Variants in GRIN2A observed in about 807,000 individuals in gnomAD.
The protein encoded by GRIN2A is glutamate receptor ionotropic, NMDA 2A.
In GRIN2A, 22 loss-of-function variants were observed where a neutral mutation model predicts 113.4. The observed-to-expected ratio is 0.19, with a 90% CI of 0.14 to 0.28. GRIN2A has a LOEUF of 0.28. Ranked by LOEUF, GRIN2A falls within the 10% of genes least tolerant of loss-of-function variation. GRIN2A has a pLI of 1.00. For synonymous variants in GRIN2A, 827 were observed against 738.4 expected (o/e 1.12, Z -1.94); for missense variants, 1,502 against 1,887.0 (o/e 0.80, Z 3.78).
At chr16:9,933,967 C>T (rs529259241) in intron 3 of GRIN2A, among the ~76,000 whole-genome samples, 9 of 152,248 alleles carry the variant, frequency 5.9e-5, no homozygotes, top group South Asian at 4.2e-4. Context: ...ATTGAAAGTA[C>T]GAACACATGT....
At chr16:9,935,266 G>T (rs1298732563) in intron 3 of GRIN2A, among the ~76,000 whole-genome samples, 1 of 152,102 alleles carries the variant, frequency 6.6e-6, no homozygotes, top group Admixed American at 6.5e-5. Context: ...AGCCTCGTTT[G>T]TGTCTTTGGG....
chr16:9,870,126 C>T (rs547504526), intron 4 of GRIN2A, among the ~76,000 whole-genome samples: 19 of 152,104 alleles, frequency 1.2e-4, no homozygotes, highest in Non-Finnish European at 2.2e-4. Flanking sequence ...ATTCTGTGCA[C>T]GGAGAAGGCG....
chr16:9,993,945 CCAT>C (rs1207641898), intron 2 of GRIN2A, among the ~76,000 whole-genome samples: 1 of 152,164 alleles, frequency 6.6e-6, no homozygotes, highest in East Asian at 1.9e-4. Flanking sequence ...TTCTGTTGCA[CCAT>C]CATGTCTTCT....
At chr16:9,795,005 C>A (rs1902882056) in intron 11 of GRIN2A, among the ~76,000 whole-genome samples, 1 of 151,070 alleles carries the variant, frequency 6.6e-6, no homozygotes, top group Non-Finnish European at 1.5e-5. Flanking sequence ...AGGATGATGG[C>A]AATGGTCATG....
chr16:10,061,421 A>C (rs1169558103), intron 2 of GRIN2A, among the ~76,000 whole-genome samples: 3 of 152,188 alleles, frequency 2.0e-5, no homozygotes, highest in African/African-American at 7.2e-5. Context: ...CAATATATGC[A>C]CCTGCCCGAA....
intron 2 of GRIN2A, among the ~76,000 whole-genome samples, chr16:10,175,092 C>T (rs889386334): frequency 1.3e-5 from 2 of 152,148 alleles, no homozygotes; most frequent in African/African-American, 2.4e-5. Flanking sequence ...GTAGAGTATG[C>T]TGTAGAGGCT....
At chr16:10,117,943 G>A (rs886518710) in intron 2 of GRIN2A, among the ~76,000 whole-genome samples, 2 of 152,168 alleles carry the variant, frequency 1.3e-5, no homozygotes, top group Non-Finnish European at 1.5e-5. Context: ...TGCTAATGGT[G>A]CACAAGTGAC....
intron 9 of GRIN2A, among the ~76,000 whole-genome samples, chr16:9,827,206 C>T (rs574407380): frequency 5.3e-5 from 8 of 152,352 alleles, no homozygotes; most frequent in African/African-American, 1.9e-4. Flanking sequence ...AAACATTATA[C>T]GGCTGGCTGG....
At chr16:9,988,494 C>T (rs13331350) in intron 2 of GRIN2A, among the ~76,000 whole-genome samples, 4,012 of 152,148 alleles carry the variant, frequency 0.026, 187 homozygotes, top group African/African-American at 0.093. Context: ...ATCAAATCCC[C>T]ACCATGGTTG....
At chr16:10,008,439 C>G (rs990181377) in intron 2 of GRIN2A, among the ~76,000 whole-genome samples, 1 of 152,218 alleles carries the variant, frequency 6.6e-6, no homozygotes, top group Non-Finnish European at 1.5e-5. Flanking sequence ...CACTCCCCTA[C>G]TGCTGTTGTT....
chr16:9,906,265 C>G (rs1303714055), intron 3 of GRIN2A, among the ~76,000 whole-genome samples: 1 of 152,168 alleles, frequency 6.6e-6, no homozygotes, highest in Non-Finnish European at 1.5e-5. Flanking sequence ...TTTAATTTTT[C>G]CAACCTTCCA....
Position 9,757,668 on chromosome 16 carries a change from A to G in GRIN2A, c.*5481T>C, listed in dbSNP as rs535848412. ...TTGGTTCTTCCTCAATGCATGATAC[A>G]TAGACCTCAATTATTTCAATGGTCA... On this transcript the variant is annotated 3_prime_UTR_variant, in exon 13 of 13. Coordinates refer to ENST00000330684, the MANE Select transcript of GRIN2A (RefSeq NM_001134407.3). 6.3e-5 allele frequency: 14 copies of G among 220,758 alleles called. No homozygotes were observed. The highest frequency in any genetic ancestry group is 2.9e-4 in the African/African-American group (13 of 44,794). 13.7% of individuals were successfully genotyped at this position (220,758 alleles called of 1,614,324 possible). A position where few individuals can be genotyped will look rare whatever the true frequency, so the allele number is the denominator to read the frequency against.
At position 10,149,744 on chromosome 16, in the gene GRIN2A, C is replaced by T. The variant is rs140307212; in HGVS notation, c.414+30254G>A. On this transcript the variant is annotated intron_variant, in intron 2 of 12. Coordinates refer to ENST00000330684, the MANE Select transcript of GRIN2A (RefSeq NM_001134407.3). ...GCCTCCCTGGTGCCCCCTATCCCCT[C>T]CTCACTCCAGAACTCCTACTATCCA... Among the ~76,000 whole-genome samples, 4 of 152,314 alleles carry T rather than the reference C, an allele frequency of 2.6e-5. No individual in the cohort carries two copies. The East Asian group carries it at 7.7e-4, about 29-fold the overall frequency.
rs542910887 is a variant in GRIN2A, at chr16:10,151,634, T to C, written c.414+28364A>G. On this transcript the variant is annotated intron_variant, in intron 2 of 12. Coordinates refer to ENST00000330684, the MANE Select transcript of GRIN2A (RefSeq NM_001134407.3). ...TTCAATTTTTGCATCCTTCAAATCA[T>C]ATCAGGCTGGAAAATTAAAAGTTTC... Among the ~76,000 whole-genome samples the C allele has an allele frequency of 4.1e-4, 62 of 152,338 alleles. 1 individual carries two copies. The highest frequency in any genetic ancestry group is 6.9e-4 in the Non-Finnish European group (47 of 68,024).
rs2048359833 is a variant in GRIN2A, at chr16:10,099,842, CT to C, written c.414+80155del. 1.3e-5 allele frequency among the ~76,000 whole-genome samples: 2 copies of C among 152,194 alleles called. 1 individual carries two copies. Among genetic ancestry groups the C allele is most frequent in the South Asian group, 4.1e-4 (2 of 4,836 alleles). On this transcript the variant is annotated intron_variant, in intron 2 of 12. Coordinates refer to ENST00000330684, the MANE Select transcript of GRIN2A (RefSeq NM_001134407.3). ...CCAAACACCAGTACTGAAACGTCTGCTCATTCCGTGAAGTTCCTGAGGTGCC... is the reference window on the plus strand; with the variant it reads ...CCAAACACCAGTACTGAAACGTCTGCCATTCCGTGAAGTTCCTGAGGTGCC...
intron 3 of GRIN2A, among the ~76,000 whole-genome samples, chr16:9,925,939 T>A (rs575356715): frequency 6.6e-6 from 1 of 152,360 alleles, no homozygotes; most frequent in South Asian, 2.1e-4. Context: ...AATACTTTAC[T>A]ACGTTAAATG....
chr16:10,038,829 C>A lies in GRIN2A; in HGVS notation c.415-100278G>T, dbSNP rs1398894102. ...CGCCACTGCACTCCAGCCTGGGCGA[C>A]AGAATGAGACTCCTTCTCAAAAAAA... On this transcript the variant is annotated intron_variant, in intron 2 of 12. Coordinates refer to ENST00000330684, the MANE Select transcript of GRIN2A (RefSeq NM_001134407.3). Among the ~76,000 whole-genome samples, 3 of 148,594 alleles carry A rather than the reference C, an allele frequency of 2.0e-5. No homozygotes were observed. In the East Asian group the frequency reaches 6.0e-4, roughly 30 times the overall value.
chr16:10,057,943 G>C (rs1007604647), intron 2 of GRIN2A, among the ~76,000 whole-genome samples: 3 of 152,162 alleles, frequency 2.0e-5, no homozygotes, highest in African/African-American at 7.2e-5. Flanking sequence ...TCTCAGAACA[G>C]AGCTGTCAAA....
intron 7 of GRIN2A, among the ~76,000 whole-genome samples, chr16:9,835,740 G>A (rs2042573844): frequency 6.6e-6 from 1 of 152,118 alleles, no homozygotes; most frequent in Non-Finnish European, 1.5e-5. Context: ...TTGATAGCAG[G>A]CCACCTTCTT....
Sources: gnomAD v4.1 joint callset for allele counts (sites outside exome capture counted in the v4.1 genomes callset) on GRCh38, gnomAD v4.1.1 for gene constraint, MANE v1.5 for transcripts, NCBI Gene and HGNC (gene_info 2026-07-23, HGNC 2026-07-21) for gene names.